The following NR2C1 variants were observed in gnomAD, a reference collection of about 807,000 sequenced individuals.
NR2C1 encodes the protein TR2 nuclear hormone receptor.
A neutral mutation model predicts 74.8 loss-of-function variants in NR2C1; 33 were observed. The observed-to-expected ratio is 0.44, with a 90% CI of 0.33 to 0.59. NR2C1 has a LOEUF of 0.59. Among genes scored for constraint, NR2C1 ranks in the 20% least tolerant of loss-of-function variants. The pLI is 0.02. For synonymous variants in NR2C1, 225 were observed against 240.6 expected, an observed-to-expected ratio of 0.94 and a Z score of 0.60; for missense variants, 568 against 715.6, an observed-to-expected ratio of 0.79 and a Z score of 2.35.
chr12:95,027,170 T>C (rs1869466582), intron 12 of NR2C1, among the ~76,000 whole-genome samples: 1 of 152,172 alleles, frequency 6.6e-6, no homozygotes, highest in Non-Finnish European at 1.5e-5. Context: ...TCCTCCCACC[T>C]AAGCCTCCCA....
intron 7 of NR2C1, among the ~76,000 whole-genome samples, chr12:95,052,213 T>G (rs1041958895): frequency 6.6e-6 from 1 of 151,888 alleles, no homozygotes; most frequent in Middle Eastern, 3.4e-3. Context: ...TGGAGTGCCG[T>G]GGCATGATCT....
At chr12:95,024,845 A>G (rs1031799059) in intron 13 of NR2C1, among the ~76,000 whole-genome samples, 2 of 152,202 alleles carry the variant, frequency 1.3e-5, no homozygotes, top group Non-Finnish European at 2.9e-5. Context: ...TTATCCAAAG[A>G]AAAAGAGTTT....
At chr12:95,072,982 C>G (rs889185026) in intron 1 of NR2C1, 1 of 152,274 alleles carries the variant, frequency 6.6e-6, no homozygotes, top group African/African-American at 2.4e-5. Context: ...GTTAGCCGTG[C>G]GCCCTGGAAG....
intron 1 of NR2C1, among the ~76,000 whole-genome samples, chr12:95,070,128 G>GT (rs1592804427): frequency 8.8e-6 from 1 of 113,800 alleles, no homozygotes; most frequent in Non-Finnish European, 2.2e-5. Flanking sequence ...AGTTTTTTTT[G>GT]TTTTTTGTTT....
intron 10 of NR2C1, among the ~76,000 whole-genome samples, chr12:95,032,418 A>T (rs1317801933): frequency 6.6e-6 from 1 of 150,580 alleles, no homozygotes; most frequent in Non-Finnish European, 1.5e-5. Flanking sequence ...AGGTCGCACC[A>T]CTGCACTCCA....
At position 95,049,143 on chromosome 12, in the gene NR2C1, T is replaced by G. The variant is rs776577700; in HGVS notation, c.1056A>C (p.Leu352=). The part of the protein sequence containing the change: ...SVAGMEGSVH[L]ITGDSSINYT... ...AATTTATGCTTGAATCTCCAGTGAT[T>G]AGGTGTACACTTCCTTCCATGCCCG... is the stretch of plus-strand genomic sequence containing the variant. The change falls in exon 9 of 14, where the codon CTA becomes CTC. Residue 352 remains leucine (L), a synonymous_variant. Coordinates refer to ENST00000333003, the MANE Select transcript of NR2C1 (RefSeq NM_003297.4). 5 of 1,613,922 alleles carry G rather than the reference T, an allele frequency of 3.1e-6. 1 individual carries two copies. In the South Asian group the frequency reaches 5.5e-5, roughly 18 times the overall value.
chr12:95,054,334 A>G (rs924938037), intron 7 of NR2C1, among the ~76,000 whole-genome samples: 1 of 150,830 alleles, frequency 6.6e-6, no homozygotes, highest in African/African-American at 2.5e-5. Context: ...TGTTTTTTAG[A>G]GACACTCCTA....
intron 10 of NR2C1, among the ~76,000 whole-genome samples, chr12:95,035,407 A>G (rs1414122922): frequency 1.3e-5 from 2 of 152,226 alleles, no homozygotes; most frequent in Non-Finnish European, 2.9e-5. Flanking sequence ...TGAAGTTTTA[A>G]GGAGGAAACA....
In NR2C1 at chr12:95,049,148, G is replaced by A. The variant is rs149986233; in HGVS notation, c.1051C>T (p.His351Tyr). Residue 351 changes from histidine to tyrosine, a missense_variant, in exon 9 of 14, where the codon CAC becomes TAC. By Grantham distance (83) the His-to-Tyr change is moderately conservative. Coordinates refer to ENST00000333003, the MANE Select transcript of NR2C1 (RefSeq NM_003297.4). ...SSVAGMEGSVHLITGDSSINY... is the reference protein window; with the variant it reads ...SSVAGMEGSVYLITGDSSINY... ...ATGCTTGAATCTCCAGTGATTAGGT[G>A]TACACTTCCTTCCATGCCCGCTACT... 20 of 1,613,784 alleles carry A rather than the reference G, an allele frequency of 1.2e-5. No homozygotes were observed. The African/African-American group carries it at 1.7e-4, about 14-fold the overall frequency.
At chr12:95,023,360 G>C (rs1344207150) in intron 13 of NR2C1, among the ~76,000 whole-genome samples, 1 of 152,066 alleles carries the variant, frequency 6.6e-6, no homozygotes, top group Non-Finnish European at 1.5e-5. Context: ...CTCCAGCCTG[G>C]GTGACAGACC....
chr12:95,049,910 C>T (rs1441436609), intron 8 of NR2C1, among the ~76,000 whole-genome samples: 1 of 152,104 alleles, frequency 6.6e-6, no homozygotes, highest in Non-Finnish European at 1.5e-5. Context: ...AGCGATCCTC[C>T]CACCTCAACC....
At chr12:95,028,221 G>A (rs1167207188) in intron 12 of NR2C1, 166 bp downstream of exon 12, 1 of 562,818 alleles carries the variant, frequency 1.8e-6, no homozygotes, top group Admixed American at 3.5e-5. Flanking sequence ...CAAGAGTGAA[G>A]CTGCTGAGTC....
At chr12:95,046,502 C>T (rs1872336357) in intron 9 of NR2C1, among the ~76,000 whole-genome samples, 1 of 152,114 alleles carries the variant, frequency 6.6e-6, no homozygotes. Context: ...GCAGGAGAAT[C>T]CCTTGAGCCC....
In NR2C1 at chr12:95,025,246, C is replaced by T; in HGVS notation, c.1541G>A (p.Ser514Asn). Residue 514 changes from serine (S) to asparagine (N), a missense_variant, in exon 13 of 14, where the codon AGC (serine) becomes AAC (asparagine). Physicochemically the swap from Ser to Asn is conservative, Grantham distance 46. Coordinates refer to ENST00000333003, the MANE Select transcript of NR2C1 (RefSeq NM_003297.4). ...AIVLFSPDHP[S>N]LENMEQIEKF... ...CTCTATCTGTTCCATGTTTTCTAGG[C>T]TTGGATGATCTGAAACATTAAAGAA... is the stretch of plus-strand genomic sequence containing the variant. The T allele has an allele frequency of 1.3e-6, 2 of 1,569,640 alleles. No individual in the cohort carries two copies. Among genetic ancestry groups the T allele is most frequent in the South Asian group, 2.3e-5 (2 of 88,066 alleles).
intron 13 of NR2C1, among the ~76,000 whole-genome samples, chr12:95,024,006 C>T (rs1299697959): frequency 6.6e-6 from 1 of 152,160 alleles, no homozygotes; most frequent in African/African-American, 2.4e-5. Context: ...CTTCCTGGAG[C>T]TGTGTGCTCT....
intron 9 of NR2C1, among the ~76,000 whole-genome samples, chr12:95,045,570 G>T (rs1300060522): frequency 2.0e-5 from 3 of 152,174 alleles, no homozygotes; most frequent in Non-Finnish European, 4.4e-5. Context: ...TTCAGTTATG[G>T]AATGAGAAGA....
rs182149359 is a variant in NR2C1, at chr12:95,071,976, G to C, written c.-8+1404C>G. On this transcript the variant is annotated intron_variant, in intron 1 of 13. Coordinates refer to ENST00000333003, the MANE Select transcript of NR2C1 (RefSeq NM_003297.4). ...TTGGTCAGGCTGGTCTCGAACTCCCGACTTCAGATGATCCGCCCACCTCAG... is the reference window on the plus strand; with the variant it reads ...TTGGTCAGGCTGGTCTCGAACTCCCCACTTCAGATGATCCGCCCACCTCAG... Among the ~76,000 whole-genome samples the C allele has an allele frequency of 7.6e-3, 1,157 of 151,584 alleles. 15 individuals carry two copies. The highest frequency in any genetic ancestry group is 0.027 in the African/African-American group (1,099 of 41,412).
chr12:95,051,150 TC>T (rs1366076104), intron 8 of NR2C1, among the ~76,000 whole-genome samples: 3 of 152,172 alleles, frequency 2.0e-5, no homozygotes, highest in African/African-American at 7.2e-5. Context: ...GGTTAAGCAT[TC>T]CTAATACTAA....
chr12:95,065,464 AT>A (rs1408207703), intron 2 of NR2C1, among the ~76,000 whole-genome samples: 3 of 151,972 alleles, frequency 2.0e-5, no homozygotes, highest in Non-Finnish European at 2.9e-5. Flanking sequence ...TGTTAACATA[AT>A]TTTTTTAAAT....
Sources: gnomAD v4.1 joint callset for allele counts (sites outside exome capture counted in the v4.1 genomes callset) on GRCh38, gnomAD v4.1.1 for gene constraint, MANE v1.5 for transcripts, NCBI Gene and HGNC (gene_info 2026-07-23, HGNC 2026-07-21) for gene names.